ARHGAP24: variants seen among roughly 807,000 people sequenced by gnomAD.
ARHGAP24 encodes the protein rho GTPase-activating protein 24.
In ARHGAP24, 50 loss-of-function variants were observed where a neutral mutation model predicts 76.4. The ratio of observed to expected loss-of-function variants is 0.65; its 90% CI spans 0.52 to 0.83. ARHGAP24 has a LOEUF of 0.83. Ranked by LOEUF, ARHGAP24 falls within the 40% of genes least tolerant of loss-of-function variation. The pLI is 0.00. For synonymous variants in ARHGAP24, 345 were observed against 323.3 expected (o/e 1.07, Z -0.72); for missense variants, 930 against 914.2 (o/e 1.02, Z -0.22).
chr4:85,611,861 A>G (rs1720392887), intron 2 of ARHGAP24, among the ~76,000 whole-genome samples: 1 of 152,158 alleles, frequency 6.6e-6, no homozygotes, highest in Non-Finnish European at 1.5e-5. Flanking sequence ...TCTGTGGCAA[A>G]CAAGTTGTTT....
chr4:85,586,690 G>A (rs1347041098), intron 2 of ARHGAP24, among the ~76,000 whole-genome samples: 1 of 152,076 alleles, frequency 6.6e-6, no homozygotes, highest in Non-Finnish European at 1.5e-5. Context: ...ACAAGGTCAG[G>A]AGCTGGAGAC....
intron 2 of ARHGAP24, among the ~76,000 whole-genome samples, chr4:85,649,009 ATATGTGTGTG>A (rs1721830567): frequency 2.7e-5 from 1 of 37,340 alleles, no homozygotes; most frequent in South Asian, 1.5e-3. Flanking sequence ...GCATTTGTAA[ATATGTGTGTG>A]TGTGTGTGTG....
At chr4:85,590,195 T>TGCC (rs1371821075) in intron 2 of ARHGAP24, among the ~76,000 whole-genome samples, 1,627 of 9,578 alleles carry the variant, frequency 0.17, 20 homozygotes, top group African/African-American at 0.29. Flanking sequence ...CCTGCCTGCC[T>TGCC]TCCTTCCTTC....
At chr4:85,661,837 G>A (rs1722399672) in intron 2 of ARHGAP24, among the ~76,000 whole-genome samples, 1 of 152,092 alleles carries the variant, frequency 6.6e-6, no homozygotes, top group South Asian at 2.1e-4. Flanking sequence ...TCCCTACAAA[G>A]GACATGAACT....
intron 2 of ARHGAP24, among the ~76,000 whole-genome samples, chr4:85,597,342 A>G (rs1272054147): frequency 6.6e-6 from 1 of 152,078 alleles, no homozygotes; most frequent in Non-Finnish European, 1.5e-5. Flanking sequence ...CACTGTGTCT[A>G]AGGGCTGACA....
At chr4:85,514,843 A>AAAG (rs1379272581) in intron 1 of ARHGAP24, among the ~76,000 whole-genome samples, 1 of 146,476 alleles carries the variant, frequency 6.8e-6, no homozygotes, top group Admixed American at 6.8e-5. Flanking sequence ...AAAAAAAAAA[A>AAAG]GTGATATTGT....
chr4:85,870,884 G>A (rs560747026), intron 3 of ARHGAP24, among the ~76,000 whole-genome samples: 77 of 152,242 alleles, frequency 5.1e-4, no homozygotes, highest in Non-Finnish European at 8.8e-4. Flanking sequence ...CTCTGTTTTA[G>A]TGTTTACTGT....
intron 3 of ARHGAP24, among the ~76,000 whole-genome samples, chr4:85,832,403 T>C: frequency 6.6e-6 from 1 of 152,204 alleles, no homozygotes; most frequent in East Asian, 1.9e-4. Context: ...GGTCTTTTAC[T>C]ATTATTAGGC....
At chr4:85,726,723 T>C (rs924927592) in intron 3 of ARHGAP24, among the ~76,000 whole-genome samples, 1 of 152,166 alleles carries the variant, frequency 6.6e-6, no homozygotes, top group Non-Finnish European at 1.5e-5. Flanking sequence ...TATCAGTATC[T>C]AGACATCTGT....
At chr4:85,992,602 C>T (rs970280727) in intron 8 of ARHGAP24, among the ~76,000 whole-genome samples, 5 of 152,134 alleles carry the variant, frequency 3.3e-5, no homozygotes, top group South Asian at 2.1e-4. Context: ...TGCAAACCTC[C>T]GAAAGTGTGT....
At chr4:85,634,567 C>A (rs2109965487) in intron 2 of ARHGAP24, among the ~76,000 whole-genome samples, 1 of 151,970 alleles carries the variant, frequency 6.6e-6, no homozygotes, top group Middle Eastern at 3.4e-3. Context: ...GTCATTCTTT[C>A]AGGTGCACAA....
chr4:85,757,178 C>CA, intron 3 of ARHGAP24, among the ~76,000 whole-genome samples: 1 of 150,790 alleles, frequency 6.6e-6, no homozygotes, highest in East Asian at 2.0e-4. Flanking sequence ...ACCAGACACT[C>CA]ACTAGAGGGC....
In ARHGAP24 at chr4:85,832,095, G is replaced by A. The variant is rs569730773; in HGVS notation, c.269-91553G>A. On this transcript the variant is annotated intron_variant, in intron 3 of 9. Transcript: ENST00000395184. Reference sequence around the variant, plus strand: ...GCAGGCCACATGCAGGGGCCATACAGGGAAGCACCAGGGTCAGTCAGGGGC... The same window carrying A: ...GCAGGCCACATGCAGGGGCCATACAAGGAAGCACCAGGGTCAGTCAGGGGC... Among the ~76,000 whole-genome samples the A allele has an allele frequency of 5.6e-4, 86 of 152,272 alleles. No individual in the cohort carries two copies. The Middle Eastern group carries it at 0.01, about 18-fold the overall frequency.
intron 3 of ARHGAP24, among the ~76,000 whole-genome samples, chr4:85,749,399 A>G (rs1362515673): frequency 6.6e-6 from 1 of 152,248 alleles, no homozygotes; most frequent in Non-Finnish European, 1.5e-5. Context: ...AGACTTCTAT[A>G]TGTCTGAAAA....
chr4:85,697,006 G>A (rs189553607), intron 2 of ARHGAP24, among the ~76,000 whole-genome samples: 10 of 152,178 alleles, frequency 6.6e-5, no homozygotes, highest in East Asian at 3.9e-4. Flanking sequence ...CAATAATATC[G>A]GAGGATAATG....
intron 2 of ARHGAP24, among the ~76,000 whole-genome samples, chr4:85,692,637 A>G (rs1723708497): frequency 6.6e-6 from 1 of 152,158 alleles, no homozygotes; most frequent in South Asian, 2.1e-4. Flanking sequence ...TTGTATTATG[A>G]AATTCTTGTG....
intron 2 of ARHGAP24, among the ~76,000 whole-genome samples, chr4:85,600,832 G>A (rs12506596): frequency 0.27 from 40,325 of 152,130 alleles, 7,473 homozygotes; most frequent in East Asian, 0.84. Context: ...ACAGGGCAAT[G>A]TATTCAAATT....
At chr4:85,967,928 C>A (rs906320878) in intron 5 of ARHGAP24, among the ~76,000 whole-genome samples, 41 of 152,158 alleles carry the variant, frequency 2.7e-4, no homozygotes, top group African/African-American at 9.4e-4. Context: ...TATTTACAGG[C>A]AGAGAAAAAG....
At chr4:85,771,008 A>G (rs73833246) in intron 3 of ARHGAP24, among the ~76,000 whole-genome samples, 2,079 of 152,322 alleles carry the variant, frequency 0.014, 56 homozygotes, top group African/African-American at 0.047. Flanking sequence ...TTTTTAAATA[A>G]TCAAAATAGC....
Sources: allele counts gnomAD v4.1 joint callset (sites outside exome capture counted in the v4.1 genomes callset), GRCh38; gene constraint gnomAD v4.1.1; transcripts MANE v1.5; gene names NCBI Gene and HGNC (gene_info 2026-07-23, HGNC 2026-07-21).